SLC4A1AP: variants seen among roughly 807,000 people sequenced by gnomAD.
The protein encoded by SLC4A1AP is solute carrier family 4 member 1 adaptor protein.
In SLC4A1AP, 64 loss-of-function variants were observed where a neutral mutation model predicts 89.7. The observed-to-expected ratio is 0.71, with a 90% CI of 0.58 to 0.88. SLC4A1AP has a LOEUF of 0.88. SLC4A1AP is among the 40% of genes least tolerant of loss of function. The probability of loss-of-function intolerance (pLI) is 0.00; values close to 1 mark genes in which losing one functional copy is unlikely to be tolerated. For synonymous variants in SLC4A1AP, 366 were observed against 353.3 expected (o/e 1.04, Z -0.40); for missense variants, 931 against 965.0 (o/e 0.96, Z 0.47).
At chr2:27,683,584 C>A (rs908682357) in intron 9 of SLC4A1AP, among the ~76,000 whole-genome samples, 2 of 152,022 alleles carry the variant, frequency 1.3e-5, no homozygotes, top group African/African-American at 4.8e-5. Context: ...CATTTTAATT[C>A]AGTTTAATTT....
intron 3 of SLC4A1AP, among the ~76,000 whole-genome samples, chr2:27,668,176 TCTCGCTCTGTTGCCCAGGCTGGAGTG>T (rs1675364561): frequency 6.6e-6 from 1 of 151,244 alleles, no homozygotes; most frequent in South Asian, 2.1e-4. Context: ...TGAGACGGAG[TCTCGCTCTGTTGCCCAGGCTGGAGTG>T]CAGTGGTGCG....
At chr2:27,694,456 GT>G (rs1675841061) in intron 13 of SLC4A1AP, among the ~76,000 whole-genome samples, 177 bp from the exon 14 acceptor site, 2 of 152,018 alleles carry the variant, frequency 1.3e-5, no homozygotes, top group African/African-American at 4.8e-5. Flanking sequence ...GCTAACAAAT[GT>G]TAGGGTAGAA....
chr2:27,664,668 A>G, intron 1 of SLC4A1AP, 91 bp downstream of exon 1: 1 of 984,874 alleles, frequency 1.0e-6, no homozygotes, highest in Non-Finnish European at 1.5e-6. Flanking sequence ...AGAATCTCCC[A>G]CTCAGCGATT....
In SLC4A1AP at chr2:27,673,009, A is replaced by G. The variant is rs145253764; in HGVS notation, c.1346-2523A>G. Among the ~76,000 whole-genome samples, 789 of 142,886 alleles carry G rather than the reference A, an allele frequency of 5.5e-3. 3 individuals carry two copies. Among genetic ancestry groups the G allele is most frequent in the Non-Finnish European group, 8.7e-3 (551 of 63,464 alleles). The allele number at this position is 142,886 out of a possible 152,430, so 93.7% of individuals were successfully genotyped here. On this transcript the variant is annotated intron_variant, in intron 5 of 13. Coordinates refer to ENST00000613058, the Ensembl canonical transcript of SLC4A1AP. Reference sequence around the variant, plus strand: ...ACTTTACTAGTCAACTCGTAATCCAAAGGCTTTCTGTTTTACCCTTTCCAG... The same window carrying G: ...ACTTTACTAGTCAACTCGTAATCCAGAGGCTTTCTGTTTTACCCTTTCCAG...
exon 3 of SLC4A1AP, chr2:27,667,311 C>T: frequency 6.2e-7 from 1 of 1,613,556 alleles, no homozygotes; most frequent in Non-Finnish European, 8.5e-7. Context: ...ACCCTATTGT[C>T]TTAGAGTTTC....
In SLC4A1AP at chr2:27,666,349, T is replaced by TCCACCACCCAC. The variant is rs1289200172; in HGVS notation, c.1022-914_1022-913insACCCACCCACC. Reference sequence around the variant, plus strand: ...TGGTCTTGAACTCCTGACCTTGTGATCCACCCCCCACCCCCCCCCCCCACC... The same window carrying TCCACCACCCAC: ...TGGTCTTGAACTCCTGACCTTGTGATCCACCACCCACCCACCCCCCACCCCCCCCCCCCACC... On this transcript the variant is annotated intron_variant, in intron 2 of 13. Transcript: ENST00000613058. Among the ~76,000 whole-genome samples, 2 of 2,324 alleles carry TCCACCACCCAC rather than the reference T, an allele frequency of 8.6e-4. 1 individual carries two copies. The highest frequency in any genetic ancestry group is 0.019 in the Admixed American group (2 of 106). 1.5% of individuals were successfully genotyped at this position (2,324 alleles called of 152,430 possible).
chr2:27,680,052 C>T (rs571173305), intron 8 of SLC4A1AP, among the ~76,000 whole-genome samples: 36 of 152,160 alleles, frequency 2.4e-4, no homozygotes, highest in Non-Finnish European at 4.3e-4. Flanking sequence ...CATAGGCTGC[C>T]GGTGACTGGG....
chr2:27,678,033 C>A, intron 8 of SLC4A1AP, 109 bp downstream of exon 8: 1 of 715,734 alleles, frequency 1.4e-6, no homozygotes, highest in Non-Finnish European at 2.1e-6. Context: ...AAATGTAATG[C>A]AAGGAACCCT....
chr2:27,688,277 C>G (rs1675738610), intron 11 of SLC4A1AP, among the ~76,000 whole-genome samples: 1 of 152,208 alleles, frequency 6.6e-6, no homozygotes, highest in Non-Finnish European at 1.5e-5. Context: ...CTTGATACTT[C>G]CCTCTGGCTG....
At chr2:27,663,958 A>C (rs1572986066) in exon 1 of SLC4A1AP, 5 of 1,614,074 alleles carry the variant, frequency 3.1e-6, no homozygotes, top group South Asian at 1.1e-5. Flanking sequence ...GCGTCGCAAG[A>C]CCTCAGTGGG....
At chr2:27,668,977 C>G in intron 4 of SLC4A1AP, 74 bp downstream of exon 4, 3 of 1,377,380 alleles carry the variant, frequency 2.2e-6, no homozygotes, top group South Asian at 2.4e-5. Context: ...TTATAGATAA[C>G]AACCCAAAGA....
At chr2:27,665,893 T>G (rs1341141753) in intron 2 of SLC4A1AP, among the ~76,000 whole-genome samples, 1 of 152,170 alleles carries the variant, frequency 6.6e-6, no homozygotes. Flanking sequence ...TTGTGCTAAG[T>G]GCCAAACAAA....
At chr2:27,692,922 T>C (rs1413612269) in intron 12 of SLC4A1AP, 1 of 151,498 alleles carries the variant, frequency 6.6e-6, no homozygotes, top group African/African-American at 2.4e-5. Flanking sequence ...AGATATTTGG[T>C]TTGCGATTTA....
chr2:27,668,636 G>A (rs912764919), intron 3 of SLC4A1AP: 5 of 689,936 alleles, frequency 7.2e-6, no homozygotes, highest in Non-Finnish European at 1.1e-5. Context: ...TTTTTGTACA[G>A]ATGGGGTTTT....
chr2:27,680,866 A>T (rs1675608718), intron 8 of SLC4A1AP, among the ~76,000 whole-genome samples: 2 of 151,442 alleles, frequency 1.3e-5, no homozygotes, highest in South Asian at 4.2e-4. Flanking sequence ...AAAACGAAAT[A>T]TGTCTCAGCT....
At chr2:27,677,750 C>T (rs1675547040) in exon 8 of SLC4A1AP, 1 of 1,602,996 alleles carries the variant, frequency 6.2e-7, no homozygotes, top group African/African-American at 1.3e-5. Context: ...CTATCAGAGT[C>T]TCCATCTCAG....
At chr2:27,677,531 C>G (rs1294238693) in intron 7 of SLC4A1AP, among the ~76,000 whole-genome samples, 167 bp downstream of exon 7, 1 of 152,126 alleles carries the variant, frequency 6.6e-6, no homozygotes, top group East Asian at 1.9e-4. Flanking sequence ...TTGGTTTAAC[C>G]TCTTTATTTA....
At chr2:27,671,396 AATT>A (rs1675426388) in intron 5 of SLC4A1AP, among the ~76,000 whole-genome samples, 1 of 152,206 alleles carries the variant, frequency 6.6e-6, no homozygotes, top group Non-Finnish European at 1.5e-5. Flanking sequence ...TAAGGGTAAT[AATT>A]GCGTTTGCTT....
chr2:27,681,647 T>G (rs942939742), intron 8 of SLC4A1AP, among the ~76,000 whole-genome samples: 3 of 152,178 alleles, frequency 2.0e-5, no homozygotes, highest in African/African-American at 7.2e-5. Context: ...CCTTTCTAAT[T>G]TCTACTATCT....
Sources: allele counts gnomAD v4.1 joint callset (sites outside exome capture counted in the v4.1 genomes callset), GRCh38; gene constraint gnomAD v4.1.1; transcripts MANE v1.5; gene names NCBI Gene and HGNC (gene_info 2026-07-23, HGNC 2026-07-21).